Variants in LOC400499 observed in about 807,000 individuals in gnomAD.
chr16:11,446,975 G>A, the LOC400499 span: 22 of 1,480,524 alleles, frequency 1.5e-5, no homozygotes, highest in African/African-American at 2.8e-4. Flanking sequence ...GGGGACAATT[G>A]TGCCCCACGG....
the LOC400499 span, chr16:11,477,085 C>T: frequency 5.0e-6 from 2 of 399,062 alleles, no homozygotes; most frequent in Non-Finnish European, 8.8e-6. Context: ...ACAGGCTGTA[C>T]ATGCGCCAAG....
chr16:11,389,838 A>T, the LOC400499 span, among the ~76,000 whole-genome samples: 1 of 152,178 alleles, frequency 6.6e-6, no homozygotes, highest in African/African-American at 2.4e-5. Flanking sequence ...GTGTCTGAGT[A>T]AAAGTGAGCT....
chr16:11,476,985 C>T, the LOC400499 span: 2 of 399,522 alleles, frequency 5.0e-6, no homozygotes, highest in African/African-American at 4.1e-5. Context: ...CCCGAGGGCC[C>T]TGGGGCCACA....
chr16:11,379,437 G>C, the LOC400499 span, among the ~76,000 whole-genome samples: 2 of 152,148 alleles, frequency 1.3e-5, no homozygotes, highest in Non-Finnish European at 2.9e-5. Flanking sequence ...TTTGACCTTA[G>C]GTCGATTTTG....
chr16:11,429,089 G>A, the LOC400499 span, among the ~76,000 whole-genome samples: 3 of 152,166 alleles, frequency 2.0e-5, no homozygotes, highest in African/African-American at 4.8e-5. Flanking sequence ...GGGTGATATG[G>A]TTTGGACCTG....
chr16:11,420,158 G>C, the LOC400499 span, among the ~76,000 whole-genome samples: 1 of 149,864 alleles, frequency 6.7e-6, no homozygotes, highest in Non-Finnish European at 1.5e-5. Context: ...TGTTTATTGC[G>C]GCACTATTCA....
chr16:11,454,359 C>T, the LOC400499 span, among the ~76,000 whole-genome samples: 7 of 152,278 alleles, frequency 4.6e-5, no homozygotes, highest in African/African-American at 1.2e-4. Context: ...CCTCCCAATG[C>T]GACCTTAACT....
the LOC400499 span, among the ~76,000 whole-genome samples, chr16:11,425,801 C>T: frequency 6.6e-6 from 1 of 152,164 alleles, no homozygotes; most frequent in African/African-American, 2.4e-5. Context: ...CAATCTCATA[C>T]AAACTCGTTC....
the LOC400499 span, among the ~76,000 whole-genome samples, chr16:11,498,079 G>C: frequency 6.6e-6 from 1 of 152,266 alleles, no homozygotes; most frequent in Middle Eastern, 3.4e-3. Flanking sequence ...ACAGAACTGG[G>C]AGAAGACAAG....
chr16:11,412,202 CTT>C, the LOC400499 span, among the ~76,000 whole-genome samples: 51 of 152,192 alleles, frequency 3.4e-4, no homozygotes, highest in African/African-American at 1.1e-3. Context: ...GCTACACCCT[CTT>C]GTCAGGTTCC....
chr16:11,394,813 G>A, the LOC400499 span, among the ~76,000 whole-genome samples: 1 of 152,204 alleles, frequency 6.6e-6, no homozygotes, highest in Non-Finnish European at 1.5e-5. Flanking sequence ...AGGTGCTACA[G>A]AAGGATCTTC....
chr16:11,411,304 C>T, the LOC400499 span: 19 of 399,318 alleles, frequency 4.8e-5, no homozygotes, highest in East Asian at 1.8e-4. Flanking sequence ...GAGGCGATGC[C>T]GGCCTGAGAA....
chr16:11,390,444 C>A, the LOC400499 span: 1 of 1,248,794 alleles, frequency 8.0e-7, no homozygotes, highest in Admixed American at 4.0e-5. Flanking sequence ...GGTAGGCATC[C>A]TTCAGTGTGG....
At chr16:11,517,794 G>A in the LOC400499 span, among the ~76,000 whole-genome samples, 1 of 152,144 alleles carries the variant, frequency 6.6e-6, no homozygotes, top group Admixed American at 6.5e-5. Context: ...GAAGTGAAGG[G>A]GTGGGAAGTG....
chr16:11,504,157 T>C, the LOC400499 span, among the ~76,000 whole-genome samples: 16 of 152,272 alleles, frequency 1.1e-4, no homozygotes, highest in African/African-American at 3.9e-4. Context: ...TAGTGGCTTA[T>C]CCTGGTTTCC....
At chr16:11,503,699 C>A in the LOC400499 span, among the ~76,000 whole-genome samples, 1 of 152,264 alleles carries the variant, frequency 6.6e-6, no homozygotes, top group East Asian at 1.9e-4. Flanking sequence ...CACCTGCCAA[C>A]GTGTCTGCCC....
chr16:11,417,854 A>T, the LOC400499 span: 1 of 398,760 alleles, frequency 2.5e-6, no homozygotes, highest in Non-Finnish European at 4.4e-6. Context: ...AATGACACCA[A>T]GGAGACGCTG....
At chr16:11,386,254 G>A in the LOC400499 span, among the ~76,000 whole-genome samples, 28,752 of 152,158 alleles carry the variant, frequency 0.19, 3,419 homozygotes, top group Non-Finnish European at 0.28. Context: ...TGGCTTGGGG[G>A]TGGGGGTGCC....
At chr16:11,462,455 A>G in the LOC400499 span, 1 of 984,346 alleles carries the variant, frequency 1.0e-6, no homozygotes, top group Non-Finnish European at 1.2e-6. Flanking sequence ...CTTGAGACAG[A>G]GTCTCACTTT....
Sources: gnomAD v4.1 joint callset for allele counts (sites outside exome capture counted in the v4.1 genomes callset) on GRCh38, gnomAD v4.1.1 for gene constraint, MANE v1.5 for transcripts.